The following GDPD1 variants were observed in gnomAD, a reference collection of about 807,000 sequenced individuals.
GDPD1 encodes the protein glycerophosphodiester phosphodiesterase domain containing 1, also known as lysophospholipase D GDPD1.
In GDPD1, 28 loss-of-function variants were observed where a neutral mutation model predicts 45.1. The observed-to-expected ratio is 0.62, with a 90% CI of 0.46 to 0.85. The LOEUF is 0.85. Ranked by LOEUF, GDPD1 falls within the 40% of genes least tolerant of loss-of-function variation. GDPD1 has a pLI of 0.00. For missense variants in GDPD1, 256 were observed against 364.8 expected (o/e 0.70, Z 2.43); for synonymous variants, 139 against 131.4 (o/e 1.06, Z -0.40).
intron 6 of GDPD1, among the ~76,000 whole-genome samples, chr17:59,261,929 T>TTTTTTTTC (rs1262973210): frequency 1.5e-5 from 2 of 134,966 alleles, no homozygotes; most frequent in Non-Finnish European, 3.1e-5. Flanking sequence ...TTTTTTTTTT[T>TTTTTTTTC]TTTTTTGAGA....
rs1313577794 is a variant in GDPD1, at chr17:59,255,758, AAAAAAT to A, written c.368-1362_368-1357del. On this transcript the variant is annotated intron_variant, in intron 4 of 9. Coordinates refer to ENST00000284116, the MANE Select transcript of GDPD1 (RefSeq NM_182569.4). ...AACTCCGTCTCAAAAAAAAAAAAAA[AAAAAAT>A]ATATATATATATATATATATACGCG... is the stretch of plus-strand genomic sequence containing the variant. Among the ~76,000 whole-genome samples the A allele has an allele frequency of 1.2e-4, 9 of 76,640 alleles. 1 individual carries two copies. The highest frequency in any genetic ancestry group is 4.5e-4 in the African/African-American group (5 of 11,030). 50.3% of individuals were successfully genotyped at this position (76,640 alleles called of 152,430 possible). A position where few individuals can be genotyped will look rare whatever the true frequency, so the allele number is the denominator to read the frequency against.
chr17:59,262,474 G>A (rs541856387), intron 6 of GDPD1, among the ~76,000 whole-genome samples: 2 of 152,042 alleles, frequency 1.3e-5, no homozygotes, highest in African/African-American at 4.8e-5. Context: ...ATTATGCTTA[G>A]TGAAAAAAAT....
intron 2 of GDPD1, among the ~76,000 whole-genome samples, chr17:59,236,493 G>A (rs997600652): frequency 2.0e-5 from 3 of 151,078 alleles, no homozygotes; most frequent in Non-Finnish European, 4.4e-5. Context: ...TGTTGTTGTT[G>A]TTGTTGTTGT....
At chr17:59,271,100 G>A in intron 8 of GDPD1, 105 bp downstream of exon 8, 3 of 664,232 alleles carry the variant, frequency 4.5e-6, no homozygotes, top group Admixed American at 2.9e-5. Flanking sequence ...TTTGTAACAA[G>A]GACAAATTGA....
At chr17:59,220,963 G>A (rs192581919) in intron 1 of GDPD1, among the ~76,000 whole-genome samples, 243 of 152,264 alleles carry the variant, frequency 1.6e-3, no homozygotes, top group Non-Finnish European at 2.5e-3. Flanking sequence ...GCCACGGCGG[G>A]GGTCTCTCGA....
intron 6 of GDPD1, among the ~76,000 whole-genome samples, chr17:59,258,686 G>C (rs1259094441): frequency 6.6e-6 from 1 of 152,094 alleles, no homozygotes; most frequent in African/African-American, 2.4e-5. Context: ...CAGTTGAACT[G>C]GTTCAAGGAA....
chr17:59,230,475 C>T (rs1166631516), intron 1 of GDPD1, among the ~76,000 whole-genome samples: 6 of 149,974 alleles, frequency 4.0e-5, no homozygotes, highest in Admixed American at 6.7e-5. Flanking sequence ...CTCCGCCTCC[C>T]GGGTTCAAGC....
intron 2 of GDPD1, among the ~76,000 whole-genome samples, chr17:59,239,066 C>T (rs377618993): frequency 1.2e-3 from 176 of 152,130 alleles, no homozygotes; most frequent in African/African-American, 3.9e-3. Flanking sequence ...TAGTATTAGC[C>T]GGAATGGTAA....
At chr17:59,237,421 A>T (rs1041703687) in intron 2 of GDPD1, among the ~76,000 whole-genome samples, 19 of 152,270 alleles carry the variant, frequency 1.2e-4, no homozygotes, top group African/African-American at 4.6e-4. Flanking sequence ...AATAAATAAA[A>T]ATAAATAAAC....
intron 2 of GDPD1, among the ~76,000 whole-genome samples, chr17:59,238,436 C>T (rs145752903): frequency 0.072 from 10,532 of 145,854 alleles, 572 homozygotes; most frequent in African/African-American, 0.14. Flanking sequence ...TTTTCCGAGA[C>T]GGAGTCTCAC....
At chr17:59,237,563 A>G (rs2047142516) in intron 2 of GDPD1, among the ~76,000 whole-genome samples, 1 of 152,186 alleles carries the variant, frequency 6.6e-6, no homozygotes. Flanking sequence ...TAGTAAAAAT[A>G]AAATGACCAG....
At chr17:59,224,226 G>A (rs2047027816) in intron 1 of GDPD1, among the ~76,000 whole-genome samples, 1 of 152,152 alleles carries the variant, frequency 6.6e-6, no homozygotes, top group African/African-American at 2.4e-5. Context: ...CAAAGTTCAA[G>A]ATGGGCCAAT....
At chr17:59,235,624 C>G (rs990193712) in intron 2 of GDPD1, among the ~76,000 whole-genome samples, 1 of 152,082 alleles carries the variant, frequency 6.6e-6, no homozygotes, top group African/African-American at 2.4e-5. Context: ...CAAGACCAGC[C>G]TGGCCAACGT....
At chr17:59,232,748 C>T (rs547439413) in intron 1 of GDPD1, among the ~76,000 whole-genome samples, 1 of 152,194 alleles carries the variant, frequency 6.6e-6, no homozygotes, top group South Asian at 2.1e-4. Context: ...CAAAGAGAGA[C>T]TTCTAAGACA....
chr17:59,234,454 A>G (rs752621102), intron 1 of GDPD1, 38 bp from the exon 2 acceptor site: 10 of 1,289,406 alleles, frequency 7.8e-6, no homozygotes, highest in South Asian at 1.3e-5. Context: ...GAAAATTAAA[A>G]TGTTCAAAAT....
chr17:59,233,993 G>T (rs1268872583), intron 1 of GDPD1, among the ~76,000 whole-genome samples: 1 of 152,098 alleles, frequency 6.6e-6, no homozygotes, highest in Non-Finnish European at 1.5e-5. Context: ...TATATATGCA[G>T]ATATTCCAAA....
chr17:59,265,836 C>T (rs1419036687), intron 6 of GDPD1, among the ~76,000 whole-genome samples: 2 of 141,068 alleles, frequency 1.4e-5, no homozygotes, highest in African/African-American at 5.4e-5. Context: ...GAGCCAGGGT[C>T]GAGGATGCAG....
intron 7 of GDPD1, among the ~76,000 whole-genome samples, chr17:59,269,245 C>T (rs1434591315): frequency 6.6e-6 from 1 of 151,464 alleles, no homozygotes; most frequent in Non-Finnish European, 1.5e-5. Context: ...TGCAGTGAGT[C>T]GAGATGGCTG....
At chr17:59,220,812 T>C (rs1166798073) in intron 1 of GDPD1, 61 bp downstream of exon 1, 7 of 1,567,568 alleles carry the variant, frequency 4.5e-6, no homozygotes, top group Non-Finnish European at 6.1e-6. Flanking sequence ...CCTTTGCGGC[T>C]CCGCAAAAGG....
Sources: gnomAD v4.1 joint callset for allele counts (sites outside exome capture counted in the v4.1 genomes callset) on GRCh38, gnomAD v4.1.1 for gene constraint, MANE v1.5 for transcripts, NCBI Gene and HGNC (gene_info 2026-07-23, HGNC 2026-07-21) for gene names.